The following FAM53A variants were observed in gnomAD, a reference collection of about 807,000 sequenced individuals.
FAM53A encodes protein FAM53A.
FAM53A carries 28 observed loss-of-function variants against 26.6 expected under a neutral mutation model. The ratio of observed to expected loss-of-function variants is 1.05; its 90% CI spans 0.78 to 1.45. The LOEUF (loss-of-function observed/expected upper bound fraction) is 1.45. Among genes scored for constraint, FAM53A ranks in the 40% most tolerant of loss-of-function variants. The pLI is 0.00. For missense variants in FAM53A, 650 were observed against 575.8 expected, an observed-to-expected ratio of 1.13 and a Z score of -1.32; for synonymous variants, 290 against 253.1, an observed-to-expected ratio of 1.15 and a Z score of -1.38.
chr4:1,579,897 G>A, the FAM53A span, among the ~76,000 whole-genome samples: 1 of 152,220 alleles, frequency 6.6e-6, no homozygotes, highest in Non-Finnish European at 1.5e-5. Context: ...CCTAACAGCC[G>A]CTCCTGCAGC....
chr4:1,652,151 AC>A, intron 4 of FAM53A, among the ~76,000 whole-genome samples: 1 of 122,728 alleles, frequency 8.1e-6, no homozygotes, highest in Admixed American at 8.2e-5. Flanking sequence ...CACACACCAC[AC>A]GTCACACACA....
At chr4:1,596,409 C>CA in the FAM53A span, among the ~76,000 whole-genome samples, 2 of 8,614 alleles carry the variant, frequency 2.3e-4, no homozygotes, top group Non-Finnish European at 5.0e-4. Context: ...CCCCCACCCA[C>CA]CTTCCCCAAA....
At chr4:1,602,987 T>C in the FAM53A span, among the ~76,000 whole-genome samples, 1 of 152,016 alleles carries the variant, frequency 6.6e-6, no homozygotes, top group Non-Finnish European at 1.5e-5. Context: ...TCCTCCATCC[T>C]CTCCCATCTC....
chr4:1,685,840 G>A (rs1399672043), upstream of FAM53A, among the ~76,000 whole-genome samples: 1 of 152,188 alleles, frequency 6.6e-6, no homozygotes, highest in African/African-American at 2.4e-5. Context: ...AGAAGAGGAT[G>A]AGGGCACCTG....
At chr4:1,634,603 A>G (rs1478715802) in intron 1 of FAM53A, among the ~76,000 whole-genome samples, 1 of 152,186 alleles carries the variant, frequency 6.6e-6, no homozygotes, top group Non-Finnish European at 1.5e-5. Context: ...GGTTGTCTAT[A>G]AAATCATCTG....
intron 4 of FAM53A, chr4:1,644,240 T>C: frequency 6.5e-7 from 1 of 1,536,000 alleles, no homozygotes. Flanking sequence ...TTGTTTTCAT[T>C]CAGAGTCGAC....
intron 2 of FAM53A, among the ~76,000 whole-genome samples, chr4:1,658,775 G>A (rs558673553): frequency 6.6e-6 from 1 of 152,376 alleles, no homozygotes; most frequent in South Asian, 2.1e-4. Flanking sequence ...GCCCTGCAGA[G>A]GATGGGGCAC....
rs200002734 is a variant in FAM53A, at chr4:1,660,355, T to TG, written c.76-2888dup. 2.9e-3 allele frequency among the ~76,000 whole-genome samples: 342 copies of TG among 119,626 alleles called. 2 individuals are homozygous for TG. Among genetic ancestry groups the TG allele is most frequent in the African/African-American group, 0.014 (336 of 24,024 alleles). The allele number at this position is 119,626 out of a possible 152,430, so 78.5% of individuals were successfully genotyped here. ...GGAAATCCGGGAAATCCCAGCACTGTGGGGGCTGAGGTGGGAAGATCACTT... is the reference window on the plus strand; with the variant it reads ...GGAAATCCGGGAAATCCCAGCACTGTGGGGGGCTGAGGTGGGAAGATCACTT... On this transcript the variant is annotated intron_variant, in intron 2 of 4. Transcript: ENST00000308132.
chr4:1,635,466 G>T (rs1715797012), downstream of FAM53A, among the ~76,000 whole-genome samples: 1 of 152,122 alleles, frequency 6.6e-6, no homozygotes, highest in African/African-American at 2.4e-5. Flanking sequence ...TAGAGACGAG[G>T]TCTTGCTATG....
chr4:1,643,469 AAAAT>A (rs1375899749), intron 4 of FAM53A, among the ~76,000 whole-genome samples: 2 of 152,146 alleles, frequency 1.3e-5, no homozygotes, highest in Admixed American at 6.5e-5. Context: ...CTGTCTCAAA[AAAAT>A]AAATAAATAG....
chr4:1,675,200 G>A (rs951438428), intron 1 of FAM53A, among the ~76,000 whole-genome samples: 1 of 152,190 alleles, frequency 6.6e-6, no homozygotes, highest in Non-Finnish European at 1.5e-5. Flanking sequence ...AGAGACGTGG[G>A]AAGTGAGAGA....
At chr4:1,639,127 C>A (rs1715981532), downstream of FAM53A, among the ~76,000 whole-genome samples, 1 of 152,194 alleles carries the variant, frequency 6.6e-6, no homozygotes, top group African/African-American at 2.4e-5. Context: ...ACCACCATGC[C>A]AGCCCCACAG....
the FAM53A span, among the ~76,000 whole-genome samples, chr4:1,601,082 C>T: frequency 5.5e-3 from 833 of 152,268 alleles, 10 homozygotes; most frequent in African/African-American, 0.019. Flanking sequence ...CCCTCCTGCC[C>T]AGCCCTGCCC....
chr4:1,676,495 A>G (rs892865385), intron 1 of FAM53A, among the ~76,000 whole-genome samples: 1 of 152,022 alleles, frequency 6.6e-6, no homozygotes, highest in East Asian at 1.9e-4. Context: ...ACCTCACTCA[A>G]CCCCTAAAAC....
the FAM53A span, among the ~76,000 whole-genome samples, chr4:1,591,376 G>A: frequency 3.3e-5 from 5 of 152,102 alleles, no homozygotes; most frequent in South Asian, 4.2e-4. Flanking sequence ...TCTGCACTCC[G>A]GGACCTGTGA....
At chr4:1,616,201 A>G (rs1560101326), downstream of FAM53A, among the ~76,000 whole-genome samples, 1 of 152,208 alleles carries the variant, frequency 6.6e-6, no homozygotes. Flanking sequence ...ACACAAAATA[A>G]AACCACAAAA....
rs181267892 is a variant in FAM53A at position 1,643,282 on chromosome 4, C to T, written c.883-1675G>A. Among the ~76,000 whole-genome samples, 103 of 152,078 alleles carry T rather than the reference C, an allele frequency of 6.8e-4. 2 individuals are homozygous for T. Among genetic ancestry groups the T allele is most frequent in the African/African-American group, 1.9e-3 (79 of 41,502 alleles). ...GAGATCAAGACCATCCTGGCTAACA[C>T]GGTGAAGCCCCGTCTCTACTAAAAA... On this transcript the variant is annotated intron_variant, in intron 4 of 4. Transcript: ENST00000308132.
chr4:1,683,281 C>A (rs1424580152), intron 1 of FAM53A: 1 of 152,206 alleles, frequency 6.6e-6, no homozygotes. Flanking sequence ...TGCAAGGGTG[C>A]ACTTCCCTTC....
chr4:1,600,583 T>C, the FAM53A span, among the ~76,000 whole-genome samples: 1 of 152,204 alleles, frequency 6.6e-6, no homozygotes, highest in Non-Finnish European at 1.5e-5. Context: ...AAGGCGCCAT[T>C]GCTGTGGCCG....
Sources: allele counts gnomAD v4.1 joint callset (sites outside exome capture counted in the v4.1 genomes callset), GRCh38; gene constraint gnomAD v4.1.1; transcripts MANE v1.5; gene names NCBI Gene and HGNC (gene_info 2026-07-23, HGNC 2026-07-21).